Variants in GALNT16 observed in about 807,000 individuals in gnomAD.
GALNT16 encodes polypeptide N-acetylgalactosaminyltransferase 16.
GALNT16 carries 40 observed loss-of-function variants against 76.1 expected under a neutral mutation model. The observed-to-expected ratio is 0.53, with a 90% CI of 0.41 to 0.68. The LOEUF (loss-of-function observed/expected upper bound fraction) is 0.68, where lower values mean the gene tolerates loss of function less well. GALNT16 is among the 30% of genes least tolerant of loss of function. GALNT16 has a pLI of 0.00. For synonymous variants in GALNT16, 276 were observed against 285.2 expected, an observed-to-expected ratio of 0.97 and a Z score of 0.32; for missense variants, 621 against 731.9, an observed-to-expected ratio of 0.85 and a Z score of 1.75.
intron 6 of GALNT16, among the ~76,000 whole-genome samples, chr14:69,329,615 C>G (rs771396140): frequency 6.6e-6 from 1 of 152,126 alleles, no homozygotes; most frequent in Non-Finnish European, 1.5e-5. Flanking sequence ...ATACCTGAGA[C>G]TGGATAACTT....
In GALNT16 at chr14:69,347,267, T is replaced by G. The variant is rs552083150; in HGVS notation, c.1413+86T>G. On this transcript the variant is annotated intron_variant, in intron 13 of 14. Coordinates refer to ENST00000448469, the MANE Select transcript of GALNT16 (RefSeq NM_001168368.2). ...GTGAGGGACTTCCCCCTACTCATTC[T>G]CCTCCTCTGTCTACATCTTACACAA... is the stretch of plus-strand genomic sequence containing the variant. The G allele has an allele frequency of 5.8e-5, 77 of 1,327,110 alleles. 3 individuals are homozygous for G. In the South Asian group the frequency reaches 9.2e-4, roughly 16 times the overall value. 82.2% of individuals were successfully genotyped at this position (1,327,110 alleles called of 1,614,324 possible).
intron 7 of GALNT16, among the ~76,000 whole-genome samples, chr14:69,331,931 A>G (rs992687465): frequency 1.3e-5 from 2 of 152,228 alleles, no homozygotes; most frequent in African/African-American, 2.4e-5. Context: ...TCAGCCTCAC[A>G]TGACTTCCTA....
intron 1 of GALNT16, among the ~76,000 whole-genome samples, chr14:69,301,132 T>A (rs956251653): frequency 2.0e-5 from 3 of 152,176 alleles, no homozygotes; most frequent in African/African-American, 7.2e-5. Context: ...GGCTTGGGAT[T>A]GCACCAGGGA....
intron 6 of GALNT16, among the ~76,000 whole-genome samples, chr14:69,331,230 A>G (rs2140178301): frequency 6.6e-6 from 1 of 152,298 alleles, no homozygotes; most frequent in East Asian, 1.9e-4. Flanking sequence ...ATAATGTGTG[A>G]GGAAGAGGCT....
At chr14:69,328,634 C>G in intron 6 of GALNT16, 63 bp downstream of exon 6, 5 of 1,552,278 alleles carry the variant, frequency 3.2e-6, no homozygotes, top group Non-Finnish European at 4.4e-6. Flanking sequence ...TTCCTGGCAC[C>G]GAGGCCTATG....
intron 1 of GALNT16, among the ~76,000 whole-genome samples, chr14:69,319,689 G>A (rs979475541): frequency 5.3e-5 from 8 of 152,248 alleles, no homozygotes; most frequent in African/African-American, 1.9e-4. Flanking sequence ...GGAGCACAGG[G>A]TAGGGTGTGG....
intron 1 of GALNT16, among the ~76,000 whole-genome samples, chr14:69,271,631 G>A (rs529346853): frequency 8.5e-5 from 13 of 152,288 alleles, no homozygotes; most frequent in African/African-American, 3.1e-4. Flanking sequence ...GTGCAACTGA[G>A]GAACTGAATT....
Position 69,331,775 on chromosome 14 carries a change from C to G in GALNT16, c.778+224C>G, listed in dbSNP as rs1011029802. ...TGCAGGCTTCTGATACAATCAGTAGCAGAGCCAGACTAGTCTCTCATCTTT... is the reference window on the plus strand; with the variant it reads ...TGCAGGCTTCTGATACAATCAGTAGGAGAGCCAGACTAGTCTCTCATCTTT... On this transcript the variant is annotated intron_variant, in intron 7 of 14. Transcript: ENST00000448469. Among the ~76,000 whole-genome samples, 17 of 152,190 alleles carry G rather than the reference C, an allele frequency of 1.1e-4. 1 individual carries two copies. Among genetic ancestry groups the G allele is most frequent in the Admixed American group, 1.1e-3 (17 of 15,274 alleles).
rs577431345 is a variant in GALNT16, at chr14:69,344,097, G to C, written c.1271+2333G>C. Among the ~76,000 whole-genome samples, 4 of 152,262 alleles carry C rather than the reference G, an allele frequency of 2.6e-5. No individual in the cohort carries two copies. The East Asian group carries it at 7.7e-4, about 29-fold the overall frequency. On this transcript the variant is annotated intron_variant, in intron 12 of 14. Coordinates refer to ENST00000448469, the MANE Select transcript of GALNT16 (RefSeq NM_001168368.2). Reference sequence around the variant, plus strand: ...GATACCAACTTTCCTCCAAACAGGGGGTCCCTAAATAGTTGCCTACACTTG... The same window carrying C: ...GATACCAACTTTCCTCCAAACAGGGCGTCCCTAAATAGTTGCCTACACTTG...
upstream of GALNT16, chr14:69,259,971 G>T: frequency 4.6e-6 from 1 of 216,218 alleles, no homozygotes; most frequent in African/African-American, 2.3e-5. Context: ...CCCACTCGGC[G>T]CGCTTCTCTC....
chr14:69,338,744 A>G lies in GALNT16; in HGVS notation c.1061A>G (p.Asn354Ser), dbSNP rs756984080. The G allele has an allele frequency of 1.2e-6, 2 of 1,613,502 alleles. No individual in the cohort carries two copies. The highest frequency in any genetic ancestry group is 1.7e-5 in the Admixed American group (1 of 59,984). The change falls in exon 10 of 15, where the codon AAC (asparagine) becomes AGC (serine). Residue 354 changes from asparagine to serine, a missense_variant. Transcript: ENST00000448469. ...GTCTTCAGGAAACGGCACCCCTACA[A>G]CTTCCCTGAGGGTAATGCCCTCACC... ...GHVFRKRHPY[N>S]FPEGNALTYI...
the GALNT16 span, among the ~76,000 whole-genome samples, chr14:69,384,048 C>A: frequency 2.0e-5 from 3 of 152,062 alleles, no homozygotes; most frequent in Non-Finnish European, 2.9e-5. Context: ...TAATGACATA[C>A]TTGTATATCA....
chr14:69,294,625 A>G (rs755268765), intron 1 of GALNT16, among the ~76,000 whole-genome samples: 5 of 152,130 alleles, frequency 3.3e-5, no homozygotes, highest in South Asian at 2.1e-4. Flanking sequence ...CCCCAGCCCT[A>G]GGGAACCACT....
intron 1 of GALNT16, among the ~76,000 whole-genome samples, chr14:69,281,577 G>A (rs76397634): frequency 0.016 from 2,371 of 152,200 alleles, 66 homozygotes; most frequent in African/African-American, 0.055. Context: ...TGAGCCTGGC[G>A]GTGGAAATCT....
chr14:69,307,037 C>A (rs893470799), intron 1 of GALNT16, among the ~76,000 whole-genome samples: 2 of 152,286 alleles, frequency 1.3e-5, no homozygotes, highest in East Asian at 3.9e-4. Flanking sequence ...AGCTAGCATG[C>A]GCATCTGCCT....
At chr14:69,368,733 C>T in the GALNT16 span, among the ~76,000 whole-genome samples, 1 of 152,176 alleles carries the variant, frequency 6.6e-6, no homozygotes, top group Non-Finnish European at 1.5e-5. Context: ...CCACCATGTC[C>T]TCAGGGCAGG....
In GALNT16 at chr14:69,301,377, G is replaced by A. The variant is rs148308513; in HGVS notation, c.178-19334G>A. Among the ~76,000 whole-genome samples, 640 of 152,138 alleles carry A rather than the reference G, an allele frequency of 4.2e-3. 4 individuals are homozygous for A. Among genetic ancestry groups the A allele is most frequent in the African/African-American group, 0.014 (579 of 41,512 alleles). ...TTTTTAAATTATTATTATTTGAGAC[G>A]GAGTCTCTCTGTGTTGCCCAGGCTG... On this transcript the variant is annotated intron_variant, in intron 1 of 14. Coordinates refer to ENST00000448469, the MANE Select transcript of GALNT16 (RefSeq NM_001168368.2).
chr14:69,359,337 C>G (rs2045710361), downstream of GALNT16: 1 of 152,166 alleles, frequency 6.6e-6, no homozygotes, highest in South Asian at 2.1e-4. Context: ...TTTGCTTTGT[C>G]TTTTAATGAT....
intron 1 of GALNT16, among the ~76,000 whole-genome samples, chr14:69,284,836 C>T (rs2044589247): frequency 6.6e-6 from 1 of 152,062 alleles, no homozygotes; most frequent in Non-Finnish European, 1.5e-5. Context: ...CTCTTGATAG[C>T]AAGTGAGTTC....
Sources: gnomAD v4.1 joint callset for allele counts (sites outside exome capture counted in the v4.1 genomes callset) on GRCh38, gnomAD v4.1.1 for gene constraint, MANE v1.5 for transcripts, NCBI Gene and HGNC (gene_info 2026-07-23, HGNC 2026-07-21) for gene names.